Variants in ROBO1 observed in about 807,000 individuals in gnomAD.
ROBO1 encodes roundabout guidance receptor 1.
In ROBO1, 149 loss-of-function variants were observed where a neutral mutation model predicts 195.9. The observed-to-expected ratio is 0.76, with a 90% CI of 0.67 to 0.87. The LOEUF (loss-of-function observed/expected upper bound fraction) is 0.87. Among genes scored for constraint, ROBO1 ranks in the 40% least tolerant of loss-of-function variants. The pLI, the probability that ROBO1 is intolerant of heterozygous loss-of-function variation, is 0.00. For missense variants in ROBO1, 1,933 were observed against 2,068.3 expected (o/e 0.93, Z 1.27); for synonymous variants, 816 against 733.2 (o/e 1.11, Z -1.82).
At chr3:78,721,134 T>G (rs764862863) in intron 5 of ROBO1, among the ~76,000 whole-genome samples, 12 of 152,128 alleles carry the variant, frequency 7.9e-5, no homozygotes, top group Non-Finnish European at 1.6e-4. Context: ...CTATACGAGT[T>G]GTACAAATGA....
chr3:79,399,545 T>C (rs1239163336), intron 2 of ROBO1, among the ~76,000 whole-genome samples: 4 of 152,214 alleles, frequency 2.6e-5, no homozygotes, highest in Non-Finnish European at 5.9e-5. Context: ...GATACATATA[T>C]ACTGATTAAG....
At chr3:78,681,799 G>A (rs1054760208) in intron 10 of ROBO1, among the ~76,000 whole-genome samples, 10 of 152,150 alleles carry the variant, frequency 6.6e-5, no homozygotes, top group Non-Finnish European at 1.5e-4. Flanking sequence ...CTACTCGAGA[G>A]GCTGAGGCAG....
chr3:78,605,505 C>T (rs1703413827), intron 29 of ROBO1, among the ~76,000 whole-genome samples: 1 of 152,162 alleles, frequency 6.6e-6, no homozygotes, highest in Admixed American at 6.5e-5. Context: ...TGTTTTCTTC[C>T]TGGATAGCTG....
At chr3:78,663,067 C>G (rs913345051) in intron 14 of ROBO1, among the ~76,000 whole-genome samples, 9 of 152,038 alleles carry the variant, frequency 5.9e-5, no homozygotes, top group African/African-American at 1.9e-4. Flanking sequence ...TTGGCACCTA[C>G]ATTCCAGATG....
intron 2 of ROBO1, among the ~76,000 whole-genome samples, chr3:79,311,954 CTCCAGATCCATGTA>C (rs893837710): frequency 2.0e-5 from 3 of 152,152 alleles, no homozygotes; most frequent in African/African-American, 7.2e-5. Context: ...TTTACCTTCA[CTCCAGATCCATGTA>C]TCCAATTCTG....
At chr3:79,243,518 T>A (rs2082563058) in intron 2 of ROBO1, among the ~76,000 whole-genome samples, 1 of 152,206 alleles carries the variant, frequency 6.6e-6, no homozygotes, top group Admixed American at 6.5e-5. Flanking sequence ...TTTTTAATGA[T>A]CACCATTCTA....
chr3:78,828,918 C>A (rs1444892393), intron 4 of ROBO1, among the ~76,000 whole-genome samples: 1 of 152,074 alleles, frequency 6.6e-6, no homozygotes, highest in Non-Finnish European at 1.5e-5. Context: ...AACTAGCTAA[C>A]TATAGAAAAA....
Position 79,389,997 on chromosome 3 carries a change from AATG to A in ROBO1, c.88+199824_88+199826del, listed in dbSNP as rs559250879. On this transcript the variant is annotated intron_variant, in intron 2 of 30. Coordinates refer to ENST00000464233, the MANE Select transcript of ROBO1 (RefSeq NM_002941.4). ...CACAAGTGTGGATTAGGATGATAATAATGATGATGTAAAGAGGTGAACTAATCT... is the reference window on the plus strand; with the variant it reads ...CACAAGTGTGGATTAGGATGATAATAATGATGTAAAGAGGTGAACTAATCT... Among the ~76,000 whole-genome samples the A allele has an allele frequency of 3.3e-5, 5 of 152,128 alleles. No individual in the cohort carries two copies. The South Asian group carries it at 6.2e-4, about 19-fold the overall frequency.
intron 28 of ROBO1, among the ~76,000 whole-genome samples, chr3:78,609,650 A>G (rs1238601955): frequency 1.3e-5 from 2 of 152,272 alleles, no homozygotes; most frequent in Admixed American, 1.3e-4. Flanking sequence ...ACTATTTTTT[A>G]GCCAATCCCT....
chr3:79,411,500 T>C (rs1447883052), intron 2 of ROBO1, among the ~76,000 whole-genome samples: 2 of 152,184 alleles, frequency 1.3e-5, no homozygotes, highest in African/African-American at 4.8e-5. Context: ...TTTCTCATTG[T>C]ATTTTCTTGT....
intron 4 of ROBO1, among the ~76,000 whole-genome samples, chr3:78,816,924 T>C (rs886768544): frequency 6.6e-6 from 1 of 151,958 alleles, no homozygotes; most frequent in East Asian, 1.9e-4. Flanking sequence ...AATTGGCACA[T>C]GTATACATGT....
chr3:79,054,710 C>T (rs906931368), intron 3 of ROBO1, among the ~76,000 whole-genome samples: 1 of 152,140 alleles, frequency 6.6e-6, no homozygotes, highest in African/African-American at 2.4e-5. Flanking sequence ...GCTGCTGCTA[C>T]TGTTTGCCCA....
At chr3:79,248,939 A>G (rs193239753) in intron 2 of ROBO1, among the ~76,000 whole-genome samples, 10 of 152,252 alleles carry the variant, frequency 6.6e-5, no homozygotes, top group African/African-American at 2.2e-4. Context: ...ATGGGGAAAG[A>G]AAGGGTTCGG....
chr3:78,818,147 G>A (rs929445562), intron 4 of ROBO1, among the ~76,000 whole-genome samples: 2 of 152,124 alleles, frequency 1.3e-5, no homozygotes, highest in African/African-American at 4.8e-5. Context: ...TTATAAGGAG[G>A]GATCTAGTTA....
At chr3:79,475,487 A>G (rs1938504333) in intron 2 of ROBO1, among the ~76,000 whole-genome samples, 1 of 152,076 alleles carries the variant, frequency 6.6e-6, no homozygotes, top group Admixed American at 6.6e-5. Context: ...AATAATTTAG[A>G]GAAAATTCCT....
intron 1 of ROBO1, among the ~76,000 whole-genome samples, chr3:79,763,092 A>G (rs976581869): frequency 1.1e-4 from 17 of 152,240 alleles, no homozygotes; most frequent in African/African-American, 3.9e-4. Context: ...TTCCTTTAAA[A>G]TGCTTGTGAT....
At chr3:79,582,843 C>A (rs1943702143) in intron 2 of ROBO1, among the ~76,000 whole-genome samples, 1 of 151,978 alleles carries the variant, frequency 6.6e-6, no homozygotes. Flanking sequence ...CTTAGCACTG[C>A]ACCTTGGCAT....
chr3:79,324,582 A>AAAAAC (rs924630331), intron 2 of ROBO1, among the ~76,000 whole-genome samples: 1 of 152,178 alleles, frequency 6.6e-6, no homozygotes, highest in African/African-American at 2.4e-5. Flanking sequence ...CAGGAGAAAC[A>AAAAAC]AAAACAAAAC....
intron 1 of ROBO1, among the ~76,000 whole-genome samples, chr3:79,605,996 A>G (rs1428058598): frequency 5.4e-5 from 8 of 149,512 alleles, no homozygotes; most frequent in South Asian, 2.1e-4. Context: ...GTGTGTGTAT[A>G]TATATATATA....
Sources: gnomAD v4.1 joint callset for allele counts (sites outside exome capture counted in the v4.1 genomes callset) on GRCh38, gnomAD v4.1.1 for gene constraint, MANE v1.5 for transcripts, NCBI Gene and HGNC (gene_info 2026-07-23, HGNC 2026-07-21) for gene names.